CDH13: variants seen among roughly 807,000 people sequenced by gnomAD.
CDH13 encodes cadherin 13.
In CDH13, 24 loss-of-function variants were observed where a neutral mutation model predicts 63.8. The observed-to-expected ratio is 0.38, with a 90% CI of 0.27 to 0.53. CDH13 has a LOEUF of 0.53. CDH13 is among the 20% of genes least tolerant of loss of function. The probability of loss-of-function intolerance (pLI) is 0.85; values close to 1 mark genes in which losing one functional copy is unlikely to be tolerated. For missense variants in CDH13, 1,049 were observed against 903.1 expected (o/e 1.16, Z -2.07); for synonymous variants, 503 against 355.3 (o/e 1.42, Z -4.67).
At position 82,765,026 on chromosome 16, in the gene CDH13, G is replaced by A. The variant is rs150744456; in HGVS notation, c.46-93336G>A. The stretch of plus-strand genomic sequence containing the variant: ...AAACAGGGTTTCACCATGTTGGCCA[G>A]GCAGGTCTCAAACTCCTGACCTCAG... On this transcript the variant is annotated intron_variant, in intron 1 of 13. Transcript: ENST00000567109. Among the ~76,000 whole-genome samples, 1,037 of 152,194 alleles carry A rather than the reference G, an allele frequency of 6.8e-3. 15 individuals are homozygous for A. Among genetic ancestry groups the A allele is most frequent in the Non-Finnish European group, 8.5e-3 (578 of 68,002 alleles).
intron 5 of CDH13, among the ~76,000 whole-genome samples, chr16:83,255,330 C>G (rs1906124721): frequency 1.3e-5 from 2 of 152,186 alleles, no homozygotes; most frequent in South Asian, 2.1e-4. Flanking sequence ...CAGGTTTGAA[C>G]TACGGCTGGT....
At chr16:83,482,702 G>T (rs559193087) in intron 6 of CDH13, among the ~76,000 whole-genome samples, 76 of 152,290 alleles carry the variant, frequency 5.0e-4, no homozygotes, top group African/African-American at 1.8e-3. Flanking sequence ...GGTCTTAGAG[G>T]CCGACTAGAG....
chr16:82,887,910 G>T (rs558887519), intron 2 of CDH13, among the ~76,000 whole-genome samples: 1 of 152,110 alleles, frequency 6.6e-6, no homozygotes, highest in African/African-American at 2.4e-5. Flanking sequence ...GGTTAAGAAC[G>T]TGTTGAAAAC....
intron 8 of CDH13, among the ~76,000 whole-genome samples, chr16:83,647,903 C>T (rs753161477): frequency 1.1e-3 from 162 of 152,214 alleles, no homozygotes; most frequent in Non-Finnish European, 2.2e-3. Flanking sequence ...AATCCCCATG[C>T]CATGGGGATG....
chr16:83,591,812 C>T (rs546111041), intron 7 of CDH13, among the ~76,000 whole-genome samples: 3 of 152,302 alleles, frequency 2.0e-5, no homozygotes, highest in East Asian at 3.9e-4. Context: ...CCTTGAAGGT[C>T]GAGAGCGTAC....
At chr16:83,541,597 C>A (rs1240547934) in intron 7 of CDH13, among the ~76,000 whole-genome samples, 1 of 152,204 alleles carries the variant, frequency 6.6e-6, no homozygotes, top group Admixed American at 6.5e-5. Flanking sequence ...CACCTTCTTT[C>A]CCCATCCACA....
intron 3 of CDH13, among the ~76,000 whole-genome samples, chr16:83,052,468 G>C (rs1437795554): frequency 6.6e-6 from 1 of 152,116 alleles, no homozygotes; most frequent in Non-Finnish European, 1.5e-5. Context: ...ATTTAGAAAA[G>C]CCAAAATGGA....
At chr16:83,457,104 A>G (rs1351360120) in intron 6 of CDH13, among the ~76,000 whole-genome samples, 2 of 152,170 alleles carry the variant, frequency 1.3e-5, no homozygotes, top group Non-Finnish European at 2.9e-5. Flanking sequence ...GATGGAGTCC[A>G]AGCCAAAACA....
At chr16:83,033,528 T>C (rs904136722) in intron 3 of CDH13, among the ~76,000 whole-genome samples, 2 of 152,204 alleles carry the variant, frequency 1.3e-5, no homozygotes, top group African/African-American at 4.8e-5. Context: ...TATATGTATG[T>C]GTGTATATAC....
chr16:82,807,710 C>A (rs1375382536), intron 1 of CDH13, among the ~76,000 whole-genome samples: 2 of 152,100 alleles, frequency 1.3e-5, no homozygotes, highest in South Asian at 4.1e-4. Context: ...CTGTTTCTTA[C>A]AGAGGATGAA....
intron 10 of CDH13, among the ~76,000 whole-genome samples, chr16:83,700,545 G>C (rs744411): frequency 0.094 from 14,332 of 152,282 alleles, 851 homozygotes; most frequent in Admixed American, 0.14. Flanking sequence ...CTTGGGGAAT[G>C]ATCAGAGAAT....
chr16:82,961,179 G>A (rs144386205), intron 2 of CDH13, among the ~76,000 whole-genome samples: 2 of 152,242 alleles, frequency 1.3e-5, no homozygotes, highest in Non-Finnish European at 2.9e-5. Context: ...CCACCTTCCC[G>A]ACAAGGACAC....
At chr16:83,021,999 G>A (rs548265037) in intron 2 of CDH13, among the ~76,000 whole-genome samples, 3 of 152,196 alleles carry the variant, frequency 2.0e-5, no homozygotes, top group Non-Finnish European at 1.5e-5. Flanking sequence ...TGAAATGAGA[G>A]TATTCAGGAA....
chr16:83,485,908 C>T (rs1166975337), intron 6 of CDH13, among the ~76,000 whole-genome samples: 2 of 152,010 alleles, frequency 1.3e-5, no homozygotes, highest in African/African-American at 2.4e-5. Flanking sequence ...CCTTGGAGGC[C>T]GAGGCAGGTG....
At chr16:82,799,999 T>A (rs1291404867) in intron 1 of CDH13, among the ~76,000 whole-genome samples, 1 of 152,214 alleles carries the variant, frequency 6.6e-6, no homozygotes, top group Non-Finnish European at 1.5e-5. Context: ...TCTAAGCAGA[T>A]GTTTACTAAG....
chr16:82,921,256 G>T (rs2042145067), intron 2 of CDH13, among the ~76,000 whole-genome samples: 1 of 152,096 alleles, frequency 6.6e-6, no homozygotes, highest in African/African-American at 2.4e-5. Flanking sequence ...TTAAGTGCTG[G>T]CAGAGCTACA....
intron 6 of CDH13, among the ~76,000 whole-genome samples, chr16:83,431,502 A>G (rs1205349297): frequency 6.6e-6 from 1 of 152,058 alleles, no homozygotes; most frequent in African/African-American, 2.4e-5. Flanking sequence ...GGCTATAACT[A>G]ACTACCTGAG....
chr16:83,452,708 A>G (rs1475323560), intron 6 of CDH13, among the ~76,000 whole-genome samples: 1 of 152,260 alleles, frequency 6.6e-6, no homozygotes, highest in Non-Finnish European at 1.5e-5. Context: ...ATCTAAAAAT[A>G]GATGTACAAT....
chr16:83,624,502 A>T (rs1215228540), intron 8 of CDH13, among the ~76,000 whole-genome samples: 3 of 152,084 alleles, frequency 2.0e-5, no homozygotes, highest in Admixed American at 2.0e-4. Context: ...CTCTTAAGAA[A>T]CGTGCAGCCT....
Sources: allele counts gnomAD v4.1 joint callset (sites outside exome capture counted in the v4.1 genomes callset), GRCh38; gene constraint gnomAD v4.1.1; transcripts MANE v1.5; gene names NCBI Gene and HGNC (gene_info 2026-07-23, HGNC 2026-07-21).